Variants in PASK observed in about 807,000 individuals in gnomAD.
The protein encoded by PASK is PAS domain-containing serine/threonine-protein kinase.
Under a neutral mutation model 121.0 loss-of-function variants are expected in PASK, and 110 were observed. That is an observed-to-expected ratio of 0.91 (90% CI 0.78 to 1.06). PASK has a LOEUF of 1.06. Ranked by LOEUF, PASK falls within the 50% of genes least tolerant of loss-of-function variation. The pLI is 0.00. For synonymous variants in PASK, 686 were observed against 717.8 expected (o/e 0.96, Z 0.71); for missense variants, 1,643 against 1,702.3 (o/e 0.97, Z 0.61).
Position 241,126,911 on chromosome 2 carries a change from C to T in PASK, c.2004G>A (p.Gln668=). The change falls in exon 10 of 18, where the codon CAG becomes CAA. Residue 668 remains glutamine, a synonymous_variant. Transcript: ENST00000234040. ...CATCCAGGGCTCCTGCAAGGCTCAA[C>T]TGGGACAGCTGCTCCTTAATCAAGC... is the stretch of plus-strand genomic sequence containing the variant. ...QTCLIKEQLS[Q]LSLAGALDVP... is the part of the protein sequence containing the mutation. 2 of 1,614,074 alleles carry T rather than the reference C, an allele frequency of 1.2e-6. No individual in the cohort carries two copies. Among genetic ancestry groups the T allele is most frequent in the Non-Finnish European group, 1.7e-6 (2 of 1,179,934 alleles).
chr2:241,112,569 G>A lies in PASK; in HGVS notation c.3334-130C>T, dbSNP rs1386302735. On this transcript the variant is annotated intron_variant, in intron 14 of 17. Transcript: ENST00000234040. This position sits in a 1 kb window ranked among gnomAD's most constrained non-coding sequence, Gnocchi z 5.2. ...CCGACTCATAATGAACTGGGGACAG[G>A]AAAGATTTTTCAATGCTGAAGATAT... 4 of 644,770 alleles carry A rather than the reference G, an allele frequency of 6.2e-6. No individual in the cohort carries two copies. The highest frequency in any genetic ancestry group is 3.9e-5 in the South Asian group (2 of 50,960). 39.9% of individuals were successfully genotyped at this position (644,770 alleles called of 1,614,324 possible). A position where few individuals can be genotyped will look rare whatever the true frequency, so the allele number is the denominator to read the frequency against.
chr2:241,143,089 G>C lies in PASK; in HGVS notation c.-42-15C>G. The C allele has an allele frequency of 7.0e-6, 9 of 1,279,352 alleles. No homozygotes were observed. Among genetic ancestry groups the C allele is most frequent in the Non-Finnish European group, 1.0e-5 (9 of 877,288 alleles). 79.3% of individuals were successfully genotyped at this position (1,279,352 alleles called of 1,614,324 possible). Reference sequence around the variant, plus strand: ...AACTCTAACAACTAGAAAACAACATGAAGCTGATTAACATCTGCAATGCAA... The same window carrying C: ...AACTCTAACAACTAGAAAACAACATCAAGCTGATTAACATCTGCAATGCAA... On this transcript the variant is annotated splice_polypyrimidine_tract_variant and intron_variant, in intron 1 of 17. Coordinates refer to ENST00000234040, the MANE Select transcript of PASK (RefSeq NM_015148.4).
intron 12 of PASK, among the ~76,000 whole-genome samples, chr2:241,118,186 C>A (rs2065454923): frequency 6.7e-6 from 1 of 148,614 alleles, no homozygotes; most frequent in Non-Finnish European, 1.5e-5. Flanking sequence ...GAAAAATGGC[C>A]AAAACAATCT....
intron 4 of PASK, 187 bp downstream of exon 4, chr2:241,139,698 G>T (rs778003501): frequency 1.4e-4 from 101 of 713,854 alleles, no homozygotes; most frequent in Non-Finnish European, 2.3e-4. Flanking sequence ...GTTCTTAAAG[G>T]GCCCCCACCC....
At position 241,140,005 on chromosome 2, in the gene PASK, C is replaced by G. The variant is rs1313193012; in HGVS notation, c.480G>C (p.Gln160His). ...KACGLLGYSS[Q>H]DLIGQKLTQF... Reference sequence around the variant, plus strand: ...GCGTGAGCTTCTGGCCAATCAGGTCCTGGCTGCTGTACCCCAGGAGCCCGC... The same window carrying G: ...GCGTGAGCTTCTGGCCAATCAGGTCGTGGCTGCTGTACCCCAGGAGCCCGC... Residue 160 changes from glutamine (Q) to histidine (H), a missense_variant, in exon 4 of 18, where the codon CAG becomes CAC. Gln to His is a conservative substitution (Grantham distance 24). This residue lies in a region of PASK where 1,176 missense variants were observed against 1,162.2 expected (regional missense o/e 1.01). Coordinates refer to ENST00000234040, the MANE Select transcript of PASK (RefSeq NM_015148.4). The G allele has an allele frequency of 6.2e-7, 1 of 1,614,174 alleles. No homozygotes were observed. The highest frequency in any genetic ancestry group is 8.5e-7 in the Non-Finnish European group (1 of 1,179,970).
chr2:241,150,270 C>T, upstream of PASK: 1 of 1,320,186 alleles, frequency 7.6e-7, no homozygotes. Flanking sequence ...TTCTCGCCTC[C>T]AGACTGTTCC....
chr2:241,116,832 G>C (rs2065392912), intron 12 of PASK, among the ~76,000 whole-genome samples: 2 of 152,238 alleles, frequency 1.3e-5, no homozygotes, highest in African/African-American at 4.8e-5. Flanking sequence ...CACAGGATGG[G>C]CCTGTTCAGG....
upstream of PASK, chr2:241,149,511 C>T: frequency 1.3e-6 from 1 of 747,822 alleles, no homozygotes; most frequent in Non-Finnish European, 2.1e-6. Context: ...CGACTAGCAC[C>T]GATTGACAAG....
In PASK at chr2:241,106,518, T is replaced by C; in HGVS notation, c.*48A>G. Reference sequence around the variant, plus strand: ...CTCCAAACAGATGGAGCCTGAAAACTGTGTGATTTTCCAAACCAAGTGGAG... The same window carrying C: ...CTCCAAACAGATGGAGCCTGAAAACCGTGTGATTTTCCAAACCAAGTGGAG... On this transcript the variant is annotated 3_prime_UTR_variant, in exon 18 of 18. Transcript: ENST00000234040. The C allele has an allele frequency of 6.3e-7, 1 of 1,592,996 alleles. No individual in the cohort carries two copies. Among genetic ancestry groups the C allele is most frequent in the Non-Finnish European group, 8.6e-7 (1 of 1,160,764 alleles).
In PASK at chr2:241,140,496, C is replaced by A. The variant is rs373793351; in HGVS notation, c.429+25G>T. 9.5e-6 allele frequency: 14 copies of A among 1,472,966 alleles called. No homozygotes were observed. The African/African-American group carries it at 1.9e-4, about 20-fold the overall frequency. The allele number at this position is 1,472,966 out of a possible 1,614,324, so 91.2% of individuals were successfully genotyped here. A position where few individuals can be genotyped will look rare whatever the true frequency, so the allele number is the denominator to read the frequency against. On this transcript the variant is annotated intron_variant, in intron 3 of 17. Coordinates refer to ENST00000234040, the MANE Select transcript of PASK (RefSeq NM_015148.4). ...AAACCACAAATCCACATCTACACAGCTGGATCTAAAAGAGAAGCAAATACC... is the reference window on the plus strand; with the variant it reads ...AAACCACAAATCCACATCTACACAGATGGATCTAAAAGAGAAGCAAATACC...
upstream of PASK, chr2:241,149,919 C>T: frequency 7.0e-7 from 1 of 1,430,086 alleles, no homozygotes; most frequent in Non-Finnish European, 9.1e-7. Flanking sequence ...CCGCACCTGC[C>T]CGCCTGCTCC....
intron 2 of PASK, among the ~76,000 whole-genome samples, chr2:241,141,518 C>T (rs2066697189): frequency 7.9e-5 from 12 of 152,156 alleles, no homozygotes; most frequent in Admixed American, 7.9e-4. Flanking sequence ...CCCACACCAC[C>T]CTCCTCGGGC....
upstream of PASK, chr2:241,150,319 C>A: frequency 7.5e-7 from 1 of 1,331,512 alleles, no homozygotes; most frequent in Non-Finnish European, 9.6e-7. Flanking sequence ...GGGGGAGGCG[C>A]GGCGCGCGGC....
intron 14 of PASK, chr2:241,114,784 T>C (rs1217978644): frequency 6.4e-6 from 9 of 1,415,876 alleles, no homozygotes; most frequent in Non-Finnish European, 8.3e-6. Context: ...TGTATGTAAA[T>C]AAACCTTAAC....
intron 10 of PASK, 141 bp from the exon 11 acceptor site, chr2:241,124,274 C>A: frequency 1.4e-6 from 1 of 735,226 alleles, no homozygotes; most frequent in Non-Finnish European, 2.3e-6. Flanking sequence ...CCCCAGAACA[C>A]AGACCAGAGA....
At chr2:241,107,669 A>G (rs2064945397) in intron 16 of PASK, among the ~76,000 whole-genome samples, 170 bp from the exon 17 acceptor site, 1 of 152,218 alleles carries the variant, frequency 6.6e-6, no homozygotes, top group Non-Finnish European at 1.5e-5. Context: ...TGCAGGAAAC[A>G]TTCATTGCCT....
Position 241,133,036 on chromosome 2 carries a change from A to G in PASK, c.1307-6T>C, listed in dbSNP as rs1406771273. ...CACGACATTAATCCTTGGATCTGGC[A>G]GCAACACCAAAAAAGAGCGTTTGCT... On this transcript the variant is annotated splice_polypyrimidine_tract_variant and splice_region_variant and intron_variant, in intron 8 of 17. Transcript: ENST00000234040. The G allele has an allele frequency of 1.9e-6, 3 of 1,613,950 alleles. No homozygotes were observed. Among genetic ancestry groups the G allele is most frequent in the Non-Finnish European group, 2.5e-6 (3 of 1,179,946 alleles).
At chr2:241,125,990 C>G (rs1465294528) in intron 10 of PASK, among the ~76,000 whole-genome samples, 1 of 152,206 alleles carries the variant, frequency 6.6e-6, no homozygotes, top group East Asian at 1.9e-4. Flanking sequence ...GGCCTGGGAC[C>G]TTGGGCGCCA....
intron 1 of PASK, among the ~76,000 whole-genome samples, chr2:241,145,530 G>A (rs764098174): frequency 1.5e-4 from 23 of 152,058 alleles, no homozygotes; most frequent in South Asian, 6.2e-4. Context: ...TTTGGGGTAG[G>A]GAAAGTTTTC....
Sources: allele counts gnomAD v4.1 joint callset (sites outside exome capture counted in the v4.1 genomes callset), GRCh38; gene constraint gnomAD v4.1.1; regional missense constraint gnomAD v4.1.1; non-coding constraint Gnocchi (gnomAD v3.1); transcripts MANE v1.5; gene names NCBI Gene and HGNC (gene_info 2026-07-23, HGNC 2026-07-21).